The following SHROOM3 variants were observed in gnomAD, a reference collection of about 807,000 sequenced individuals.
SHROOM3 encodes shroom family member 3.
Under a neutral mutation model 138.6 loss-of-function variants are expected in SHROOM3, and 47 were observed. The ratio of observed to expected loss-of-function variants is 0.34; its 90% CI spans 0.27 to 0.43. The LOEUF (loss-of-function observed/expected upper bound fraction) is 0.43. Ranked by LOEUF, SHROOM3 falls within the 20% of genes least tolerant of loss-of-function variation. The pLI, the probability that SHROOM3 is intolerant of heterozygous loss-of-function variation, is 1.00. For synonymous variants in SHROOM3, 1,062 were observed against 1,063.3 expected, an observed-to-expected ratio of 1.00 and a Z score of 0.02; for missense variants, 2,491 against 2,596.5, an observed-to-expected ratio of 0.96 and a Z score of 0.88.
At chr4:76,576,576 C>T (rs1334926921) in intron 2 of SHROOM3, among the ~76,000 whole-genome samples, 1 of 152,032 alleles carries the variant, frequency 6.6e-6, no homozygotes, top group Non-Finnish European at 1.5e-5. Flanking sequence ...AATACCTACT[C>T]TTTGATAGCA....
At position 76,763,601 on chromosome 4, in the gene SHROOM3, C is replaced by T. The variant is rs185919041; in HGVS notation, c.5349+3906C>T. 2.2e-3 allele frequency among the ~76,000 whole-genome samples: 337 copies of T among 151,988 alleles called. 3 individuals carry two copies. The highest frequency in any genetic ancestry group is 7.9e-3 in the African/African-American group (328 of 41,460). The stretch of plus-strand genomic sequence containing the variant: ...AAAAATTACCAAATTTAGAAAATAA[C>T]AAAGGAAGGCCACAAACAGTGGGAG... On this transcript the variant is annotated intron_variant, in intron 9 of 10. Coordinates refer to ENST00000296043, the MANE Select transcript of SHROOM3 (RefSeq NM_020859.4).
chr4:76,549,799 T>C (rs1733309647), intron 1 of SHROOM3, among the ~76,000 whole-genome samples: 3 of 152,168 alleles, frequency 2.0e-5, no homozygotes, highest in Admixed American at 1.3e-4. Context: ...GAGGGGAATG[T>C]GAGGGTCCTA....
intron 2 of SHROOM3, among the ~76,000 whole-genome samples, chr4:76,701,282 C>T (rs7700102): frequency 0.28 from 41,963 of 151,878 alleles, 5,936 homozygotes; most frequent in East Asian, 0.42. Flanking sequence ...TGAAGCTTCC[C>T]CTTTAAAGAG....
intron 2 of SHROOM3, among the ~76,000 whole-genome samples, chr4:76,599,071 G>T (rs536738486): frequency 1.3e-5 from 2 of 151,420 alleles, no homozygotes; most frequent in Admixed American, 1.3e-4. Flanking sequence ...GGGTGCAGGG[G>T]TGCAAGGCGA....
intron 2 of SHROOM3, among the ~76,000 whole-genome samples, chr4:76,582,400 CCA>C (rs1734070146): frequency 6.6e-6 from 1 of 151,966 alleles, no homozygotes; most frequent in African/African-American, 2.4e-5. Context: ...AGCAAAGAAA[CCA>C]CAGTCTTCAT....
chr4:76,719,829 A>T (rs145385302), intron 3 of SHROOM3, among the ~76,000 whole-genome samples: 2 of 152,320 alleles, frequency 1.3e-5, no homozygotes, highest in African/African-American at 2.4e-5. Flanking sequence ...TGAAGGGGAT[A>T]TTGGGACAGG....
At chr4:76,751,298 C>T (rs1721615157) in intron 6 of SHROOM3, among the ~76,000 whole-genome samples, 1 of 152,202 alleles carries the variant, frequency 6.6e-6, no homozygotes, top group East Asian at 1.9e-4. Context: ...AATGTGCCCT[C>T]TGTTCTCCAT....
chr4:76,578,178 T>A (rs751499149), intron 2 of SHROOM3, among the ~76,000 whole-genome samples: 33 of 152,210 alleles, frequency 2.2e-4, no homozygotes, highest in Non-Finnish European at 4.7e-4. Flanking sequence ...AATGGAAAAG[T>A]ACTTGAACTT....
intron 2 of SHROOM3, among the ~76,000 whole-genome samples, chr4:76,677,487 A>G (rs79458850): frequency 0.021 from 3,202 of 152,348 alleles, 56 homozygotes; most frequent in Non-Finnish European, 0.033. Context: ...AATTAGAAAG[A>G]AAGTATATAA....
intron 10 of SHROOM3, among the ~76,000 whole-genome samples, chr4:76,776,477 T>C (rs1722574642): frequency 2.0e-5 from 3 of 152,252 alleles, no homozygotes; most frequent in Non-Finnish European, 4.4e-5. Context: ...TCTTTGTTTT[T>C]GTTGCATTCC....
intron 3 of SHROOM3, among the ~76,000 whole-genome samples, chr4:76,720,721 C>T (rs1720520154): frequency 6.6e-6 from 1 of 151,054 alleles, no homozygotes; most frequent in Non-Finnish European, 1.5e-5. Context: ...AAGCGATTCT[C>T]CTGCCTCAGC....
chr4:76,565,077 C>T (rs994475724), intron 2 of SHROOM3, among the ~76,000 whole-genome samples: 1 of 149,880 alleles, frequency 6.7e-6, no homozygotes, highest in African/African-American at 2.5e-5. Context: ...AGGAGAATCG[C>T]TTGAACCCAG....
At chr4:76,634,394 A>C (rs1735431517) in intron 2 of SHROOM3, among the ~76,000 whole-genome samples, 1 of 152,194 alleles carries the variant, frequency 6.6e-6, no homozygotes, top group African/African-American at 2.4e-5. Flanking sequence ...GAAAATGACA[A>C]CATAGAACAC....
At chr4:76,763,404 A>G (rs1722049075) in intron 9 of SHROOM3, among the ~76,000 whole-genome samples, 1 of 152,000 alleles carries the variant, frequency 6.6e-6, no homozygotes, top group Non-Finnish European at 1.5e-5. Flanking sequence ...AAAAAATTAA[A>G]AAACTAAAAA....
intron 2 of SHROOM3, chr4:76,645,446 T>A (rs1490824479): frequency 6.6e-6 from 1 of 152,196 alleles, no homozygotes; most frequent in Non-Finnish European, 1.5e-5. Flanking sequence ...AGTGGTGGTC[T>A]CCACGTCCCA....
chr4:76,724,786 A>G (rs747785287), intron 3 of SHROOM3, among the ~76,000 whole-genome samples: 4 of 152,202 alleles, frequency 2.6e-5, no homozygotes, highest in Non-Finnish European at 2.9e-5. Flanking sequence ...TTTAACAGCC[A>G]TTATATGGAT....
chr4:76,726,171 TTCC>T (rs1451833999), intron 3 of SHROOM3, among the ~76,000 whole-genome samples: 1 of 151,960 alleles, frequency 6.6e-6, no homozygotes, highest in Admixed American at 6.6e-5. Flanking sequence ...GGTTGACAGT[TTCC>T]TCCTCCTCCT....
At chr4:76,711,537 A>G (rs1269858614) in intron 3 of SHROOM3, among the ~76,000 whole-genome samples, 1 of 152,192 alleles carries the variant, frequency 6.6e-6, no homozygotes. Flanking sequence ...TACAAAAAAT[A>G]TAAAAATTAG....
In SHROOM3 at chr4:76,436,156, G is replaced by T. The variant is rs199533144; in HGVS notation, c.104G>T (p.Gly35Val). Reference protein sequence around the residue: ...YIYLEAFLEGGAPWGFTLKGG... With the variant: ...YIYLEAFLEGVAPWGFTLKGG... ...TATCTGGAGGCATTCCTGGAGGGAG[G>T]AGCTCCCTGGGGTTTTACTCTAAAG... Residue 35 changes from glycine (G) to valine (V), a missense_variant, in exon 1 of 11, where the codon GGA becomes GTA. Around this residue, in one of 4 missense-constraint regions of SHROOM3, gnomAD observed 284 missense variants for 322.8 expected, o/e 0.88. Coordinates refer to ENST00000296043, the MANE Select transcript of SHROOM3 (RefSeq NM_020859.4). 1.5e-4 allele frequency: 248 copies of T among 1,613,946 alleles called. No homozygotes were observed. Among genetic ancestry groups the T allele is most frequent in the Non-Finnish European group, 2.1e-4 (243 of 1,179,956 alleles).
Sources: allele counts gnomAD v4.1 joint callset (sites outside exome capture counted in the v4.1 genomes callset), GRCh38; gene constraint gnomAD v4.1.1; regional missense constraint gnomAD v4.1.1; transcripts MANE v1.5; gene names NCBI Gene and HGNC (gene_info 2026-07-23, HGNC 2026-07-21).